RASAL3: variants seen among roughly 807,000 people sequenced by gnomAD.
The protein encoded by RASAL3 is RAS protein activator like-3.
A neutral mutation model predicts 105.5 loss-of-function variants in RASAL3; 74 were observed. That is an observed-to-expected ratio of 0.70 (90% confidence interval 0.58 to 0.85). RASAL3 has a LOEUF of 0.85. RASAL3 is among the 40% of genes least tolerant of loss of function. The probability of loss-of-function intolerance (pLI) is 0.00; values close to 1 mark genes in which losing one functional copy is unlikely to be tolerated. For synonymous variants in RASAL3, 579 were observed against 591.6 expected (o/e 0.98, Z 0.31); for missense variants, 1,352 against 1,392.0 (o/e 0.97, Z 0.46).
rs1023531182 is a variant in RASAL3 at position 15,457,560 on chromosome 19, T to C, written c.1163A>G (p.Glu388Gly). The change falls in exon 9 of 18, where the codon GAG becomes GGG. Residue 388 changes from glutamate (E) to glycine (G), a missense_variant. Transcript: ENST00000343625. The surrounding 1 kb of genome is among the most constrained non-coding windows in gnomAD (Gnocchi z 8.6). Reference protein sequence around the residue: ...AVLGRVALALEELDAPRAPAA... With the variant: ...AVLGRVALALGELDAPRAPAA... ...AGGCGCGCGTGGGGCGTCCAGCTCCTCCAGCGCCAGGGCCACGCGGCCCAG... is the reference window on the plus strand; with the variant it reads ...AGGCGCGCGTGGGGCGTCCAGCTCCCCCAGCGCCAGGGCCACGCGGCCCAG... The C allele has an allele frequency of 6.8e-6, 8 of 1,170,348 alleles. No homozygotes were observed. Among genetic ancestry groups the C allele is most frequent in the South Asian group, 2.4e-5 (1 of 40,976 alleles). The allele number at this position is 1,170,348 out of a possible 1,614,324, so 72.5% of individuals were successfully genotyped here.
rs373662111 is a variant in RASAL3 at position 15,453,510 on chromosome 19, T to G, written c.2280-13A>C. 1.3e-6 allele frequency: 2 copies of G among 1,509,104 alleles called. No homozygotes were observed. 93.5% of individuals were successfully genotyped at this position (1,509,104 alleles called of 1,614,324 possible). A position where few individuals can be genotyped will look rare whatever the true frequency, so the allele number is the denominator to read the frequency against. ...CCCTGCGGAGAGGCTAGGGGTGGGA[T>G]GGAGGATCTTAGACCCTCCACTGGC... On this transcript the variant is annotated splice_polypyrimidine_tract_variant and intron_variant, in intron 14 of 17. Coordinates refer to ENST00000343625, the MANE Select transcript of RASAL3 (RefSeq NM_022904.3). This position sits in a 1 kb window ranked among gnomAD's most constrained non-coding sequence, Gnocchi z 4.2.
At chr19:15,460,938 T>C (rs1970487225) in intron 5 of RASAL3, 122 bp downstream of exon 5, 1 of 832,812 alleles carries the variant, frequency 1.2e-6, no homozygotes, top group South Asian at 1.5e-5. Flanking sequence ...AGACTGGGAC[T>C]CTGAGGCCCA....
At chr19:15,459,289 A>T (rs939690219) in intron 6 of RASAL3, among the ~76,000 whole-genome samples, 2 of 130,864 alleles carry the variant, frequency 1.5e-5, no homozygotes, top group African/African-American at 3.1e-5. Context: ...CCTTTTGCCC[A>T]GGCAGGAGTG....
Position 15,458,392 on chromosome 19 carries a change from C to T in RASAL3, c.824G>A (p.Cys275Tyr). The T allele has an allele frequency of 6.2e-7, 1 of 1,613,936 alleles. No individual in the cohort carries two copies. Among genetic ancestry groups the T allele is most frequent in the Non-Finnish European group, 8.5e-7 (1 of 1,179,860 alleles). ...GCGGTCTCTCTCAGCGGCCGAGCGA[C>T]AAGAGAAGCAGCGGCTTCCACCCGT... is the stretch of plus-strand genomic sequence containing the variant. ...TWTGGSRCFSCRSAAERDRWI... is the reference protein window; with the variant it reads ...TWTGGSRCFSYRSAAERDRWI... Residue 275 changes from cysteine to tyrosine, a missense_variant, in exon 8 of 18, where the codon TGT becomes TAT. Cys to Tyr is a radical substitution (Grantham distance 194). This residue lies in a region of RASAL3 where 88 missense variants were observed against 132.7 expected (regional missense o/e 0.66). Transcript: ENST00000343625.
At chr19:15,460,284 A>ACTTCTGTC in intron 5 of RASAL3, 26 bp from the exon 6 acceptor site, 1 of 1,596,408 alleles carries the variant, frequency 6.3e-7, no homozygotes, top group Non-Finnish European at 8.5e-7. Context: ...TGTCAGCTGG[A>ACTTCTGTC]CAGAAATCTG....
At chr19:15,455,637 A>G (rs1055459300) in intron 11 of RASAL3, among the ~76,000 whole-genome samples, 1 of 152,200 alleles carries the variant, frequency 6.6e-6, no homozygotes, top group African/African-American at 2.4e-5. Context: ...TTAAACATGA[A>G]TTTCAGATAA....
intron 2 of RASAL3, among the ~76,000 whole-genome samples, chr19:15,462,856 C>G (rs1970552549): frequency 6.6e-6 from 1 of 151,448 alleles, no homozygotes; most frequent in African/African-American, 2.4e-5. Flanking sequence ...GAGGCTGAGG[C>G]AGGAGAATGG....
rs1474901151 is a variant in RASAL3, at chr19:15,461,463, C to T, written c.465+8G>A. 4 of 1,547,968 alleles carry T rather than the reference C, an allele frequency of 2.6e-6. No individual in the cohort carries two copies. The highest frequency in any genetic ancestry group is 4.0e-5 in the Admixed American group (2 of 49,638). ...CCCTCCTCCCCTTTCCCAGGTGCCC[C>T]CTCTCACCTCCTCCTCTCCTCCAAG... On this transcript the variant is annotated splice_region_variant and intron_variant, in intron 3 of 17. Coordinates refer to ENST00000343625, the MANE Select transcript of RASAL3 (RefSeq NM_022904.3).
intron 2 of RASAL3, among the ~76,000 whole-genome samples, chr19:15,462,556 G>C (rs115979854): frequency 2.7e-3 from 415 of 152,054 alleles, no homozygotes; most frequent in African/African-American, 9.7e-3. Context: ...CCAGGAAATA[G>C]GAGGGCTGAA....
Position 15,454,169 on chromosome 19 carries a change from G to A in RASAL3, c.2259C>T (p.Pro753=), listed in dbSNP as rs1351532161. 2.6e-6 allele frequency: 4 copies of A among 1,564,926 alleles called. No individual in the cohort carries two copies. Among genetic ancestry groups the A allele is most frequent in the African/African-American group, 1.4e-5 (1 of 73,766 alleles). Residue 753 remains proline (P), a synonymous_variant, in exon 14 of 18, where the codon CCC becomes CCT. Transcript: ENST00000343625. ...LVSVPMRLPL[P]PAQVHSSLSA... is the part of the protein sequence containing the mutation. The stretch of plus-strand genomic sequence containing the variant: ...GTTACCTGGAGTGGACCTGGGCCGG[G>A]GGCAGTGGGAGACGCATTGGCACTG...
intron 2 of RASAL3, 26 bp downstream of exon 2, chr19:15,464,005 A>C (rs1970591946): frequency 1.3e-6 from 2 of 1,516,450 alleles, no homozygotes; most frequent in Non-Finnish European, 1.8e-6. Context: ...AGCCCGGCCC[A>C]AGCTCAGGGT....
rs752601488 is a variant in RASAL3 at position 15,456,270 on chromosome 19, TA to T, written c.1577-23del. On this transcript the variant is annotated intron_variant, in intron 10 of 17. Transcript: ENST00000343625. This position sits in a 1 kb window ranked among gnomAD's most constrained non-coding sequence, Gnocchi z 4.4. Reference sequence around the variant, plus strand: ...TGTCCTGCAGCCCAGCACAGCCAGATAGGGGCTGGGGCCATGACCACCAAAA... The same window carrying T: ...TGTCCTGCAGCCCAGCACAGCCAGATGGGGCTGGGGCCATGACCACCAAAA... The T allele has an allele frequency of 6.2e-7, 1 of 1,610,188 alleles. No individual in the cohort carries two copies. Among genetic ancestry groups the T allele is most frequent in the South Asian group, 1.1e-5 (1 of 90,966 alleles).
intron 6 of RASAL3, among the ~76,000 whole-genome samples, chr19:15,459,411 A>G (rs565508372): frequency 1.3e-5 from 2 of 150,582 alleles, no homozygotes; most frequent in East Asian, 3.9e-4. Flanking sequence ...ATGCCTGGCT[A>G]ATTTTGTATT....
chr19:15,454,752 G>T lies in RASAL3; in HGVS notation c.1863C>A (p.Ser621Arg). 1.2e-6 allele frequency: 2 copies of T among 1,607,480 alleles called. No individual in the cohort carries two copies. Among genetic ancestry groups the T allele is most frequent in the Admixed American group, 1.7e-5 (1 of 58,702 alleles). Residue 621 changes from serine (S) to arginine (R), a missense_variant, in exon 12 of 18, where the codon AGC becomes AGA. Coordinates refer to ENST00000343625, the MANE Select transcript of RASAL3 (RefSeq NM_022904.3). The stretch of plus-strand genomic sequence containing the variant: ...GATGGTCTGGTGCCAAACCAAAGAG[G>T]CTGGGTGCCAGGATGGCAGGGCACA... ...RLLCPAILAP[S>R]LFGLAPDHPA...
chr19:15,451,790 G>A lies in RASAL3; in HGVS notation c.*5C>T, dbSNP rs1395122897. The A allele has an allele frequency of 1.3e-6, 2 of 1,587,030 alleles. No homozygotes were observed. Among genetic ancestry groups the A allele is most frequent in the East Asian group, 4.5e-5 (2 of 44,202 alleles). On this transcript the variant is annotated 3_prime_UTR_variant, in exon 18 of 18. Transcript: ENST00000343625. The stretch of plus-strand genomic sequence containing the variant: ...GACCACGTGTGATGAGGCAGGATGG[G>A]CAGCTCAGGTGGTGTCTCCATTGAG...
At chr19:15,455,338 A>G (rs1480868510) in intron 11 of RASAL3, among the ~76,000 whole-genome samples, 1 of 152,160 alleles carries the variant, frequency 6.6e-6, no homozygotes, top group African/African-American at 2.4e-5. Flanking sequence ...ATGCAGGTTA[A>G]CCTAGGGTCA....
At chr19:15,460,100 G>A in intron 6 of RASAL3, 103 bp downstream of exon 6, 1 of 976,542 alleles carries the variant, frequency 1.0e-6, no homozygotes. Flanking sequence ...AGAACACAGA[G>A]GCCACAGGGG....
chr19:15,457,652 G>T lies in RASAL3; in HGVS notation c.1071C>A (p.Phe357Leu). ...GQLFWAERFH[F>L]EALPPARRLS... ...GGCGACGTGCCGGTGGCAGCGCCTC[G>T]AAGTGGAAGCGCTCGGCCCAGAAGA... Residue 357 changes from phenylalanine to leucine, a missense_variant, in exon 9 of 18, where the codon TTC (phenylalanine) becomes TTA (leucine). Around this residue, in one of 3 missense-constraint regions of RASAL3, gnomAD observed 920 missense variants for 919.6 expected, o/e 1.00. Coordinates refer to ENST00000343625, the MANE Select transcript of RASAL3 (RefSeq NM_022904.3). The surrounding 1 kb of genome is among the most constrained non-coding windows in gnomAD (Gnocchi z 8.6). 7.0e-7 allele frequency: 1 copy of T among 1,427,424 alleles called. No individual in the cohort carries two copies. Among genetic ancestry groups the T allele is most frequent in the Non-Finnish European group, 9.2e-7 (1 of 1,090,796 alleles). 88.4% of individuals were successfully genotyped at this position (1,427,424 alleles called of 1,614,324 possible).
intron 5 of RASAL3, among the ~76,000 whole-genome samples, chr19:15,460,775 G>A (rs1464289827): frequency 6.6e-6 from 1 of 152,136 alleles, no homozygotes; most frequent in African/African-American, 2.4e-5. Flanking sequence ...GCTTAGGCTG[G>A]TGTTGAACTC....
Sources: gnomAD v4.1 joint callset for allele counts (sites outside exome capture counted in the v4.1 genomes callset) on GRCh38, gnomAD v4.1.1 for gene constraint, gnomAD v4.1.1 regional missense constraint, Gnocchi (gnomAD v3.1) non-coding constraint, MANE v1.5 for transcripts, NCBI Gene and HGNC (gene_info 2026-07-23, HGNC 2026-07-21) for gene names.